SNX29: variants seen among roughly 807,000 people sequenced by gnomAD.
SNX29 encodes sorting nexin-29.
In SNX29, 78 loss-of-function variants were observed where a neutral mutation model predicts 102.1. The observed-to-expected ratio is 0.76, with a 90% CI of 0.64 to 0.92. The LOEUF (loss-of-function observed/expected upper bound fraction) is 0.92. SNX29 is among the 40% of genes least tolerant of loss of function. The pLI, the probability that SNX29 is intolerant of heterozygous loss-of-function variation, is 0.00. For missense variants in SNX29, 1,280 were observed against 1,061.7 expected (o/e 1.21, Z -2.86); for synonymous variants, 580 against 414.5 (o/e 1.40, Z -4.85).
intron 11 of SNX29, among the ~76,000 whole-genome samples, chr16:12,111,879 C>G (rs12596229): frequency 0.19 from 29,513 of 152,072 alleles, 3,285 homozygotes; most frequent in Middle Eastern, 0.27. Flanking sequence ...GCCTGCTTCT[C>G]TGAAGATCTG....
At chr16:12,526,977 C>G (rs1287531028) in intron 20 of SNX29, 4 of 395,236 alleles carry the variant, frequency 1.0e-5, no homozygotes, top group East Asian at 8.4e-5. Flanking sequence ...ACACAGGGTT[C>G]GATTTATGGA....
chr16:12,099,724 C>T (rs968547963), intron 11 of SNX29, among the ~76,000 whole-genome samples: 1 of 152,090 alleles, frequency 6.6e-6, no homozygotes, highest in East Asian at 1.9e-4. Flanking sequence ...CCTTTTGATT[C>T]GTGGAGTGTG....
chr16:12,551,439 C>T (rs949917675), intron 20 of SNX29, among the ~76,000 whole-genome samples: 4 of 152,178 alleles, frequency 2.6e-5, no homozygotes, highest in African/African-American at 7.2e-5. Flanking sequence ...TTCGATCACC[C>T]AGCATGCTTT....
At chr16:12,515,441 A>G (rs2089820797) in intron 19 of SNX29, 12 of 465,470 alleles carry the variant, frequency 2.6e-5, no homozygotes, top group South Asian at 1.7e-4. Flanking sequence ...TCCGCAAGTC[A>G]CCCCTGAAAT....
At chr16:12,326,898 G>T (rs1412997475) in intron 15 of SNX29, among the ~76,000 whole-genome samples, 1 of 152,166 alleles carries the variant, frequency 6.6e-6, no homozygotes, top group African/African-American at 2.4e-5. Flanking sequence ...TATTACTGTG[G>T]GCCAAGGTCC....
chr16:12,488,199 T>A (rs2088347755), intron 19 of SNX29, among the ~76,000 whole-genome samples: 1 of 152,114 alleles, frequency 6.6e-6, no homozygotes, highest in Admixed American at 6.5e-5. Flanking sequence ...GAAAGCATAT[T>A]TGCTGTTCTG....
chr16:12,019,253 G>C (rs2056943273), intron 3 of SNX29, among the ~76,000 whole-genome samples: 1 of 152,164 alleles, frequency 6.6e-6, no homozygotes, highest in Non-Finnish European at 1.5e-5. Flanking sequence ...TGTCACCCAG[G>C]CTGGAGTGCA....
chr16:12,097,056 C>T (rs2052795407), intron 11 of SNX29, among the ~76,000 whole-genome samples: 1 of 152,154 alleles, frequency 6.6e-6, no homozygotes. Context: ...CCAGGCTGCA[C>T]CTCTGGTTCC....
In SNX29 at chr16:12,569,561, GTC is replaced by G; in HGVS notation, c.*937_*938del. On this transcript the variant is annotated 3_prime_UTR_variant, in exon 21 of 21. Coordinates refer to ENST00000566228, the MANE Select transcript of SNX29 (RefSeq NM_032167.5). ...AGTGTGGACACTTAACAGATCATGT[GTC>G]TCTCCACTAAAAACATTTTCCATCC... is the stretch of plus-strand genomic sequence containing the variant. 4.3e-6 allele frequency: 1 copy of G among 231,056 alleles called. No homozygotes were observed. Among genetic ancestry groups the G allele is most frequent in the African/African-American group, 2.2e-5 (1 of 45,308 alleles). The allele number at this position is 231,056 out of a possible 1,614,324, so 14.3% of individuals were successfully genotyped here.
At chr16:12,477,611 C>T (rs921162968) in intron 18 of SNX29, 108 bp from the exon 19 acceptor site, 13 of 1,323,344 alleles carry the variant, frequency 9.8e-6, no homozygotes, top group Middle Eastern at 2.3e-4. Flanking sequence ...GTGTGTGACA[C>T]AGATGTGACT....
intron 11 of SNX29, among the ~76,000 whole-genome samples, chr16:12,108,319 T>C (rs922323269): frequency 4.6e-5 from 7 of 152,342 alleles, no homozygotes; most frequent in East Asian, 1.9e-4. Context: ...GCCCTCCTTA[T>C]GGAAGTTCCA....
At chr16:12,562,258 C>G (rs1180633288) in intron 20 of SNX29, among the ~76,000 whole-genome samples, 2 of 152,172 alleles carry the variant, frequency 1.3e-5, no homozygotes, top group Non-Finnish European at 2.9e-5. Context: ...ATTCACTAAG[C>G]AGCATCCCCA....
chr16:12,496,272 C>T (rs1243538126), intron 19 of SNX29, among the ~76,000 whole-genome samples: 1 of 152,172 alleles, frequency 6.6e-6, no homozygotes, highest in Non-Finnish European at 1.5e-5. Context: ...GGTCACATTC[C>T]ACCCAAGTCA....
Position 12,573,667 on chromosome 16 carries a change from G to C in SNX29, c.*5038G>C, listed in dbSNP as rs2079233559. 1 of 222,774 alleles carries C rather than the reference G, an allele frequency of 4.5e-6. No homozygotes were observed. The highest frequency in any genetic ancestry group is 2.2e-5 in the African/African-American group (1 of 44,724). 13.8% of individuals were successfully genotyped at this position (222,774 alleles called of 1,614,324 possible). A position where few individuals can be genotyped will look rare whatever the true frequency, so the allele number is the denominator to read the frequency against. ...CCACCACTCATTCACTGTCAGTGTA[G>C]GTAAGACAGAGGATGCCCTTGCAAA... On this transcript the variant is annotated 3_prime_UTR_variant, in exon 21 of 21. Transcript: ENST00000566228.
intron 11 of SNX29, among the ~76,000 whole-genome samples, chr16:12,116,231 C>CTT (rs1353444536): frequency 6.6e-6 from 1 of 152,182 alleles, no homozygotes; most frequent in Non-Finnish European, 1.5e-5. Context: ...AAAGTAGAGA[C>CTT]TCAAACAGGT....
At chr16:12,126,767 A>G in intron 12 of SNX29, 71 bp downstream of exon 12, 1 of 1,551,026 alleles carries the variant, frequency 6.4e-7, no homozygotes, top group Non-Finnish European at 8.8e-7. Context: ...GACAGAATAT[A>G]ACAGATGAGG....
At chr16:12,191,633 C>T (rs538486182) in intron 13 of SNX29, among the ~76,000 whole-genome samples, 1 of 152,140 alleles carries the variant, frequency 6.6e-6, no homozygotes, top group Non-Finnish European at 1.5e-5. Flanking sequence ...TAAAGGAGTT[C>T]TGATGCCTTA....
At chr16:12,188,681 A>G (rs2076571943) in intron 13 of SNX29, among the ~76,000 whole-genome samples, 2 of 152,208 alleles carry the variant, frequency 1.3e-5, no homozygotes. Flanking sequence ...TGGGCTTTAT[A>G]AAATAAATAG....
chr16:12,468,280 T>C (rs538771754), intron 18 of SNX29, among the ~76,000 whole-genome samples: 10 of 149,158 alleles, frequency 6.7e-5, no homozygotes, highest in African/African-American at 2.5e-4. Context: ...TTTCAGGCAG[T>C]TCTCATGTCT....
Sources: gnomAD v4.1 joint callset for allele counts (sites outside exome capture counted in the v4.1 genomes callset) on GRCh38, gnomAD v4.1.1 for gene constraint, MANE v1.5 for transcripts, NCBI Gene and HGNC (gene_info 2026-07-23, HGNC 2026-07-21) for gene names.